Variants in SEM1 observed in about 807,000 individuals in gnomAD.
SEM1 encodes the protein 26S proteasome complex subunit SEM1.
In SEM1, 3 loss-of-function variants were observed where a neutral mutation model predicts 12.7. The ratio of observed to expected loss-of-function variants is 0.24; its 90% CI spans 0.11 to 0.61. The LOEUF (loss-of-function observed/expected upper bound fraction) is 0.61. Ranked by LOEUF, SEM1 falls within the 20% of genes least tolerant of loss-of-function variation. The pLI, the probability that SEM1 is intolerant of heterozygous loss-of-function variation, is 0.88. For synonymous variants in SEM1, 30 were observed against 27.8 expected (o/e 1.08, Z -0.25); for missense variants, 59 against 81.3 (o/e 0.73, Z 1.06).
In SEM1 at chr7:96,484,599, A is replaced by G. The variant is rs78389754; in HGVS notation, c.257+226T>C. ...AGACTCCACTGGAAAGTGTAAACACATCAGTGCCATAACCATTATGAACAG... is the reference window on the plus strand; with the variant it reads ...AGACTCCACTGGAAAGTGTAAACACGTCAGTGCCATAACCATTATGAACAG... On this transcript the variant is annotated intron_variant, in intron 3 of 3. Coordinates refer to the SEM1 transcript ENST00000356686. 5.3e-3 allele frequency among the ~76,000 whole-genome samples: 801 copies of G among 152,292 alleles called. 13 individuals carry two copies. In the East Asian group the frequency reaches 0.054, roughly 10 times the overall value.
At chr7:96,490,694 A>G (rs1409491256) in intron 1 of SEM1, among the ~76,000 whole-genome samples, 2 of 152,194 alleles carry the variant, frequency 1.3e-5, no homozygotes, top group Non-Finnish European at 2.9e-5. Flanking sequence ...GCAAGCCACA[A>G]GCCCAAGCCA....
chr7:96,536,671 C>T (rs1804795629), intron 2 of SEM1, among the ~76,000 whole-genome samples: 1 of 151,694 alleles, frequency 6.6e-6, no homozygotes, highest in African/African-American at 2.4e-5. Context: ...TGTAATGCTC[C>T]TCTTTGTCCC....
In SEM1 at chr7:96,509,098, TGCCTCA is replaced by T. The variant is rs60222722; in HGVS notation, c.171-2406_171-2401del. Among the ~76,000 whole-genome samples the T allele has an allele frequency of 7.6e-3, 1,157 of 151,516 alleles. 16 individuals carry two copies. Among genetic ancestry groups the T allele is most frequent in the African/African-American group, 0.027 (1,104 of 41,338 alleles). Reference sequence around the variant, plus strand: ...ATCTCCCAGGTTCAAGTGATTCTCGTGCCTCAGCCTCCCAAGTAGCTGGGATTACAG... The same window carrying T: ...ATCTCCCAGGTTCAAGTGATTCTCGTGCCTCCCAAGTAGCTGGGATTACAG... On this transcript the variant is annotated intron_variant and NMD_transcript_variant, in intron 2 of 3. Coordinates refer to the SEM1 transcript ENST00000466986.
At chr7:96,499,743 T>C (rs1394010077), upstream of SEM1, among the ~76,000 whole-genome samples, 2 of 152,166 alleles carry the variant, frequency 1.3e-5, no homozygotes, top group Non-Finnish European at 2.9e-5. Flanking sequence ...AAAACAAACA[T>C]TTGATCGGAT....
intron 3 of SEM1, among the ~76,000 whole-genome samples, chr7:96,503,930 A>T (rs1803659509): frequency 6.6e-6 from 1 of 152,212 alleles, no homozygotes; most frequent in South Asian, 2.1e-4. Context: ...GTTCACAGAG[A>T]TCCTGCAGTG....
At chr7:96,481,856 A>G (rs1802556000) in exon 4 of SEM1, 1 of 152,192 alleles carries the variant, frequency 6.6e-6, no homozygotes, top group African/African-American at 2.4e-5. Flanking sequence ...GCATGCATGC[A>G]AATTTAAGGG....
In SEM1 at chr7:96,538,502, A is replaced by G. The variant is rs188924614; in HGVS notation, c.171-31804T>C. On this transcript the variant is annotated intron_variant and NMD_transcript_variant, in intron 2 of 3. Transcript: ENST00000466986. ...TGTAGCTATAGGTGCAAAAGGACTC[A>G]CCTTCCTCTAATGTCTTTGTTTTTT... is the stretch of plus-strand genomic sequence containing the variant. 5.5e-3 allele frequency among the ~76,000 whole-genome samples: 832 copies of G among 151,926 alleles called. 7 individuals are homozygous for G. The highest frequency in any genetic ancestry group is 8.7e-3 in the Non-Finnish European group (588 of 67,828).
At chr7:96,679,005 C>T (rs938275089) in intron 2 of SEM1, among the ~76,000 whole-genome samples, 3 of 151,996 alleles carry the variant, frequency 2.0e-5, no homozygotes, top group African/African-American at 7.2e-5. Context: ...CAAAACGAGA[C>T]TTATTTAACA....
intron 3 of SEM1, among the ~76,000 whole-genome samples, chr7:96,504,522 T>G (rs1194466841): frequency 6.6e-6 from 1 of 152,172 alleles, no homozygotes; most frequent in East Asian, 1.9e-4. Context: ...CTCCTCATAT[T>G]ATTTCATCAG....
At chr7:96,606,827 A>G (rs1329759240) in intron 2 of SEM1, among the ~76,000 whole-genome samples, 3 of 152,316 alleles carry the variant, frequency 2.0e-5, no homozygotes, top group Admixed American at 2.0e-4. Flanking sequence ...ATCATCTTAC[A>G]TCAGTCTGCA....
chr7:96,630,594 G>A (rs557496922), intron 2 of SEM1, among the ~76,000 whole-genome samples: 1 of 152,304 alleles, frequency 6.6e-6, no homozygotes, highest in African/African-American at 2.4e-5. Flanking sequence ...TGGAATTGGG[G>A]ACCCTGAGAG....
At chr7:96,492,485 C>CT (rs1479992986) in intron 1 of SEM1, among the ~76,000 whole-genome samples, 2 of 152,034 alleles carry the variant, frequency 1.3e-5, no homozygotes, top group Non-Finnish European at 2.9e-5. Context: ...TCACAGCTCA[C>CT]TGGAGCCTTG....
At chr7:96,494,168 A>G (rs1803142732) in intron 1 of SEM1, among the ~76,000 whole-genome samples, 1 of 152,212 alleles carries the variant, frequency 6.6e-6, no homozygotes, top group South Asian at 2.1e-4. Context: ...TTCAGCTTAA[A>G]TAGTTCCTTA....
chr7:96,581,154 G>T lies in SEM1; in HGVS notation c.171-74456C>A, dbSNP rs146069592. Among the ~76,000 whole-genome samples the T allele has an allele frequency of 5.9e-5, 9 of 152,236 alleles. No individual in the cohort carries two copies. The South Asian group carries it at 1.9e-3, about 32-fold the overall frequency. On this transcript the variant is annotated intron_variant and NMD_transcript_variant, in intron 2 of 3. Coordinates refer to the SEM1 transcript ENST00000466986. ...TCTTGAATTGATTTTTGTATAAGGT[G>T]TAAGGAAGGGATCCAGTTTCAGCTT...
At chr7:96,624,366 T>C (rs1293840277) in intron 2 of SEM1, among the ~76,000 whole-genome samples, 3 of 152,188 alleles carry the variant, frequency 2.0e-5, no homozygotes, top group Admixed American at 1.3e-4. Context: ...AAGTTCCTCA[T>C]TTTGTCAAGA....
chr7:96,689,325 T>C (rs1789857452), intron 2 of SEM1, among the ~76,000 whole-genome samples: 1 of 152,136 alleles, frequency 6.6e-6, no homozygotes, highest in Non-Finnish European at 1.5e-5. Context: ...TTGAGACTCA[T>C]TAACCTCAGG....
At chr7:96,584,636 G>A (rs1806545124) in intron 2 of SEM1, among the ~76,000 whole-genome samples, 1 of 149,776 alleles carries the variant, frequency 6.7e-6, no homozygotes, top group Non-Finnish European at 1.5e-5. Context: ...TTTTCACATA[G>A]TCCCATATTT....
At chr7:96,483,836 C>A (rs528301325) in exon 4 of SEM1, 2 of 1,536,268 alleles carry the variant, frequency 1.3e-6, no homozygotes, top group African/African-American at 1.4e-5. Context: ...GACCAGACTT[C>A]CATCTCTGCT....
chr7:96,693,662 G>A (rs539853948), intron 2 of SEM1, among the ~76,000 whole-genome samples: 5 of 151,944 alleles, frequency 3.3e-5, no homozygotes, highest in South Asian at 4.1e-4. Context: ...TAGTACGAAC[G>A]CTAGTGAGAA....
Sources: gnomAD v4.1 joint callset for allele counts (sites outside exome capture counted in the v4.1 genomes callset) on GRCh38, gnomAD v4.1.1 for gene constraint, MANE v1.5 for transcripts, NCBI Gene and HGNC (gene_info 2026-07-23, HGNC 2026-07-21) for gene names.